The following SPEG variants were observed in gnomAD, a reference collection of about 807,000 sequenced individuals.
The protein encoded by SPEG is striated muscle enriched protein kinase.
SPEG carries 114 observed loss-of-function variants against 300.4 expected under a neutral mutation model. That is an observed-to-expected ratio of 0.38 (90% CI 0.33 to 0.44). The LOEUF (loss-of-function observed/expected upper bound fraction) is 0.44. SPEG is among the 20% of genes least tolerant of loss of function. The pLI, the probability that SPEG is intolerant of heterozygous loss-of-function variation, is 1.00. For synonymous variants in SPEG, 1,964 were observed against 2,018.9 expected (o/e 0.97, Z 0.73); for missense variants, 4,201 against 4,586.2 (o/e 0.92, Z 2.43).
Position 219,448,508 on chromosome 2 carries a change from CG to C in SPEG, c.1354del (p.Ala452ProfsTer97). ...SERGAPWGTP[G>X]ASQEELRAPG... ...AGCGCGGCGCACCGTGGGGCACCCC[CG>C]GGGCCTCGCAGGAAGAACTGCGGGC... On this transcript the variant is annotated frameshift_variant, in exon 4 of 41. Coordinates refer to ENST00000312358, the MANE Select transcript of SPEG (RefSeq NM_005876.5). LOFTEE classifies it high-confidence loss of function. 2 of 1,450,852 alleles carry C rather than the reference CG, an allele frequency of 1.4e-6. No homozygotes were observed. The highest frequency in any genetic ancestry group is 1.4e-5 in the South Asian group (1 of 72,870). 89.9% of individuals were successfully genotyped at this position (1,450,852 alleles called of 1,614,324 possible).
At chr2:219,490,077 G>A (rs1040345220) in intron 36 of SPEG, 138 bp downstream of exon 36, 15 of 1,029,808 alleles carry the variant, frequency 1.5e-5, no homozygotes, top group Admixed American at 8.4e-5. Context: ...GAATGATTGC[G>A]TTCAAATGTG....
chr2:219,443,012 G>A lies in SPEG; in HGVS notation c.389-1641G>A, dbSNP rs1689038949. On this transcript the variant is annotated intron_variant, in intron 1 of 40. Transcript: ENST00000312358. The surrounding 1 kb of genome is among the most constrained non-coding windows in gnomAD (Gnocchi z 4.6). ...CTCACACACACACTGGCCAGGGAATGAGTTTCTGCTTGATGTTGCAGGTCT... is the reference window on the plus strand; with the variant it reads ...CTCACACACACACTGGCCAGGGAATAAGTTTCTGCTTGATGTTGCAGGTCT... 3 of 985,016 alleles carry A rather than the reference G, an allele frequency of 3.0e-6. No homozygotes were observed. The highest frequency in any genetic ancestry group is 2.3e-4 in the Middle Eastern group (1 of 4,340). 61.0% of individuals were successfully genotyped at this position (985,016 alleles called of 1,614,324 possible). A position where few individuals can be genotyped will look rare whatever the true frequency, so the allele number is the denominator to read the frequency against.
At position 219,451,216 on chromosome 2, in the gene SPEG, G is replaced by A; in HGVS notation, c.2194G>A (p.Val732Met). The A allele has an allele frequency of 1.2e-6, 2 of 1,613,946 alleles. No homozygotes were observed. The highest frequency in any genetic ancestry group is 1.7e-6 in the Non-Finnish European group (2 of 1,179,984). Residue 732 changes from valine to methionine, a missense_variant, in exon 5 of 41, where the codon GTG becomes ATG. Transcript: ENST00000312358. This position sits in a 1 kb window ranked among gnomAD's most constrained non-coding sequence, Gnocchi z 6.4. ...PVFEIPLQNVVVAPGADVLLK... is the reference protein window; with the variant it reads ...PVFEIPLQNVMVAPGADVLLK... ...GTTTGAGATCCCCCTGCAGAATGTG[G>A]TGGTGGCACCAGGGGCAGATGTGCT...
In SPEG at chr2:219,451,480, C is replaced by G. The variant is rs1689741906; in HGVS notation, c.2258-145C>G. ...AGAGAAGGGAGGGCAACCTGAGCTT[C>G]CCAAAATGAGGGCGGACTCTTCCAG... On this transcript the variant is annotated intron_variant, in intron 5 of 40. Coordinates refer to ENST00000312358, the MANE Select transcript of SPEG (RefSeq NM_005876.5). This position sits in a 1 kb window ranked among gnomAD's most constrained non-coding sequence, Gnocchi z 6.4. The G allele has an allele frequency of 8.9e-7, 1 of 1,123,006 alleles. No individual in the cohort carries two copies. The highest frequency in any genetic ancestry group is 3.2e-5 in the Admixed American group (1 of 31,144). 69.6% of individuals were successfully genotyped at this position (1,123,006 alleles called of 1,614,324 possible).
At position 219,451,554 on chromosome 2, in the gene SPEG, G is replaced by C. The variant is rs1325605479; in HGVS notation, c.2258-71G>C. ...AGGTTTGGTCTCCTGTGTGGTGTGT[G>C]GGGTAGGAGTAGAGATTCTCAGTGG... is the stretch of plus-strand genomic sequence containing the variant. On this transcript the variant is annotated intron_variant, in intron 5 of 40. Transcript: ENST00000312358. The surrounding 1 kb of genome is among the most constrained non-coding windows in gnomAD (Gnocchi z 6.4). 18 of 1,383,812 alleles carry C rather than the reference G, an allele frequency of 1.3e-5. No individual in the cohort carries two copies. In the East Asian group the frequency reaches 3.8e-4, roughly 29 times the overall value. 85.7% of individuals were successfully genotyped at this position (1,383,812 alleles called of 1,614,324 possible).
At chr2:219,466,523 G>GT (rs1691378113) in intron 9 of SPEG, 1 of 1,085,614 alleles carries the variant, frequency 9.2e-7, no homozygotes, top group Non-Finnish European at 1.1e-6. Context: ...GGGGCCCAAG[G>GT]AGCAGGGGCT....
rs1423299360 is a variant in SPEG at position 219,492,255 on chromosome 2, T to A, written c.9606T>A (p.His3202Gln). 6.2e-7 allele frequency: 1 copy of A among 1,611,912 alleles called. No homozygotes were observed. Among genetic ancestry groups the A allele is most frequent in the African/African-American group, 1.3e-5 (1 of 74,886 alleles). The change falls in exon 40 of 41, where the codon CAT becomes CAA. Residue 3202 changes from histidine to glutamine, a missense_variant. This residue lies in a region of SPEG where 318 missense variants were observed against 429.5 expected (regional missense o/e 0.74). Coordinates refer to ENST00000312358, the MANE Select transcript of SPEG (RefSeq NM_005876.5). ...TCTTGCGAAAGGTTCTCTCTGTACA[T>A]CCCTGGTGAGTGAGCCCCACACCTG... The part of the protein sequence containing the change: ...TLFLRKVLSV[H>Q]PWSRPSLQDC...
intron 39 of SPEG, 104 bp downstream of exon 39, chr2:219,491,973 A>C (rs1020695125): frequency 6.2e-5 from 83 of 1,332,550 alleles, no homozygotes; most frequent in Non-Finnish European, 8.3e-5. Context: ...TCCCCTGTAC[A>C]CACATCCACA....
chr2:219,449,191 G>A lies in SPEG; in HGVS notation c.2033G>A (p.Gly678Asp), dbSNP rs1315249299. 2 of 1,395,274 alleles carry A rather than the reference G, an allele frequency of 1.4e-6. No individual in the cohort carries two copies. The highest frequency in any genetic ancestry group is 9.3e-7 in the Non-Finnish European group (1 of 1,075,432). 86.4% of individuals were successfully genotyped at this position (1,395,274 alleles called of 1,614,324 possible). A position where few individuals can be genotyped will look rare whatever the true frequency, so the allele number is the denominator to read the frequency against. Reference protein sequence around the residue: ...KRLRRGPEEDGPWGPWDRRGA... With the variant: ...KRLRRGPEEDDPWGPWDRRGA... ...CTTCGCAGAGGGCCGGAGGAGGACG[G>A]TCCCTGGGGGCCCTGGGACCGCCGA... Residue 678 changes from glycine (G) to aspartate (D), a missense_variant, in exon 4 of 41, where the codon GGT becomes GAT. Physicochemically the swap from Gly to Asp is moderately conservative, Grantham distance 94 (BLOSUM62 -1). Transcript: ENST00000312358.
Position 219,477,501 on chromosome 2 carries a change from C to A in SPEG, c.4729+56C>A. Reference sequence around the variant, plus strand: ...GCACACCCCCTGGAATCTGATGTGACCCTCCATGCTCTGCCCAGGAAGCAG... The same window carrying A: ...GCACACCCCCTGGAATCTGATGTGAACCTCCATGCTCTGCCCAGGAAGCAG... On this transcript the variant is annotated intron_variant, in intron 20 of 40. Transcript: ENST00000312358. This position sits in a 1 kb window ranked among gnomAD's most constrained non-coding sequence, Gnocchi z 6.4. The A allele has an allele frequency of 6.7e-7, 1 of 1,503,108 alleles. No individual in the cohort carries two copies. The allele number at this position is 1,503,108 out of a possible 1,614,324, so 93.1% of individuals were successfully genotyped here.
chr2:219,439,164 A>C lies in SPEG; in HGVS notation c.388+3799A>C, dbSNP rs561883672. ...GACCTCTGGGGACAGAATATGGGTT[A>C]GGACAGAGAAGGGGGAAGGCTGGAT... On this transcript the variant is annotated intron_variant, in intron 1 of 40. Transcript: ENST00000312358. The surrounding 1 kb of genome is among the most constrained non-coding windows in gnomAD (Gnocchi z 4.5). Among the ~76,000 whole-genome samples, 2 of 152,284 alleles carry C rather than the reference A, an allele frequency of 1.3e-5. No individual in the cohort carries two copies. Among genetic ancestry groups the C allele is most frequent in the South Asian group, 2.1e-4 (1 of 4,828 alleles).
chr2:219,450,331 C>T (rs566510247), intron 4 of SPEG, among the ~76,000 whole-genome samples: 10 of 152,322 alleles, frequency 6.6e-5, no homozygotes, highest in South Asian at 2.1e-4. Context: ...AACTGAGGCT[C>T]AGAGAGGCTA....
rs1379778366 is a variant in SPEG, at chr2:219,448,223, G to T, written c.1065G>T (p.Gly355=). The T allele has an allele frequency of 6.2e-7, 1 of 1,612,534 alleles. No homozygotes were observed. The highest frequency in any genetic ancestry group is 8.5e-7 in the Non-Finnish European group (1 of 1,179,632). ...ACACCACCACCGAAGAGAAGCGAGG[G>T]AAGAAGTCCAAGTCGTCCGGGCCCT... ...PEDTTTEEKR[G]KKSKSSGPSL... is the part of the protein sequence containing the mutation. The change falls in exon 4 of 41, where the codon GGG becomes GGT. Residue 355 remains glycine (G), a synonymous_variant. Coordinates refer to ENST00000312358, the MANE Select transcript of SPEG (RefSeq NM_005876.5).
intron 18 of SPEG, among the ~76,000 whole-genome samples, chr2:219,474,795 CT>C (rs34814828): frequency 0.038 from 4,203 of 110,246 alleles, 110 homozygotes; most frequent in African/African-American, 0.097. Flanking sequence ...AGCAAGGATT[CT>C]TTTTTTTTTT....
At position 219,489,309 on chromosome 2, in the gene SPEG, A is replaced by G. The variant is rs201935543; in HGVS notation, c.8318-27A>G. ...CACCATGGCCTTGCCCCAAGGCACC[A>G]CGGTGATGATTTTCTCTCTCTCTTA... On this transcript the variant is annotated intron_variant, in intron 35 of 40. Transcript: ENST00000312358. 285 of 1,613,366 alleles carry G rather than the reference A, an allele frequency of 1.8e-4. 2 individuals carry two copies. The highest frequency in any genetic ancestry group is 4.0e-5 in the African/African-American group (3 of 74,822).
chr2:219,488,837 G>A lies in SPEG; in HGVS notation c.8086G>A (p.Val2696Met). ...VPQTYQDTAL[V>M]LWKPGDSRAP... The stretch of plus-strand genomic sequence containing the variant: ...CCAGACCTACCAGGACACGGCGCTG[G>A]TGCTGTGGAAGCCGGGAGACAGCCG... Residue 2696 changes from valine to methionine, a missense_variant, in exon 34 of 41, where the codon GTG becomes ATG. Coordinates refer to ENST00000312358, the MANE Select transcript of SPEG (RefSeq NM_005876.5). 2 of 1,593,248 alleles carry A rather than the reference G, an allele frequency of 1.3e-6. No individual in the cohort carries two copies. Among genetic ancestry groups the A allele is most frequent in the Non-Finnish European group, 1.7e-6 (2 of 1,168,698 alleles).
Position 219,448,987 on chromosome 2 carries a change from C to T in SPEG, c.1829C>T (p.Pro610Leu), listed in dbSNP as rs767437385. 4.7e-6 allele frequency: 7 copies of T among 1,494,500 alleles called. No individual in the cohort carries two copies. Among genetic ancestry groups the T allele is most frequent in the Non-Finnish European group, 6.2e-6 (7 of 1,124,994 alleles). The allele number at this position is 1,494,500 out of a possible 1,614,324, so 92.6% of individuals were successfully genotyped here. The change falls in exon 4 of 41, where the codon CCT (proline) becomes CTT (leucine). Residue 610 changes from proline to leucine, a missense_variant. Around this residue, in one of 4 missense-constraint regions of SPEG, gnomAD observed 1,258 missense variants for 1,293.9 expected, o/e 0.97. Coordinates refer to ENST00000312358, the MANE Select transcript of SPEG (RefSeq NM_005876.5). ...RSRAIQECRSPVPPPAADPPE... is the reference protein window; with the variant it reads ...RSRAIQECRSLVPPPAADPPE... The stretch of plus-strand genomic sequence containing the variant: ...AGAGCCATCCAGGAGTGCAGGAGCC[C>T]TGTGCCGCCCCCCGCCGCCGATCCC...
In SPEG at chr2:219,483,833, G is replaced by A; in HGVS notation, c.6370G>A (p.Gly2124Ser). 1 of 1,585,520 alleles carries A rather than the reference G, an allele frequency of 6.3e-7. No homozygotes were observed. Among genetic ancestry groups the A allele is most frequent in the Non-Finnish European group, 8.5e-7 (1 of 1,172,130 alleles). ...CCACCAGCCCCCACTCGAGAACCGGGGCCTGCAAAAGAGCAGCAGCTTCTC... is the reference window on the plus strand; with the variant it reads ...CCACCAGCCCCCACTCGAGAACCGGAGCCTGCAAAAGAGCAGCAGCTTCTC... ...PHHQPPLENR[G>S]LQKSSSFSQG... The change falls in exon 30 of 41, where the codon GGC becomes AGC. Residue 2124 changes from glycine (G) to serine (S), a missense_variant. By Grantham distance (56) the Gly-to-Ser change is moderately conservative. Coordinates refer to ENST00000312358, the MANE Select transcript of SPEG (RefSeq NM_005876.5).
chr2:219,461,356 C>G, intron 6 of SPEG: 2 of 987,998 alleles, frequency 2.0e-6, no homozygotes, highest in Non-Finnish European at 2.4e-6. Context: ...GAGGGGCAGG[C>G]TAGATAGTGC....
Sources: allele counts gnomAD v4.1 joint callset (sites outside exome capture counted in the v4.1 genomes callset), GRCh38; gene constraint gnomAD v4.1.1; regional missense constraint gnomAD v4.1.1; non-coding constraint Gnocchi (gnomAD v3.1); transcripts MANE v1.5; gene names NCBI Gene and HGNC (gene_info 2026-07-23, HGNC 2026-07-21).